The following ENPP1 variants were observed in gnomAD, a reference collection of about 807,000 sequenced individuals.
The protein encoded by ENPP1 is ectonucleotide pyrophosphatase/phosphodiesterase family member 1.
A neutral mutation model predicts 122.8 loss-of-function variants in ENPP1; 73 were observed. That is an observed-to-expected ratio of 0.59 (90% confidence interval 0.49 to 0.72). The LOEUF is 0.72. Among genes scored for constraint, ENPP1 ranks in the 30% least tolerant of loss-of-function variants. The pLI, the probability that ENPP1 is intolerant of heterozygous loss-of-function variation, is 0.00. For synonymous variants in ENPP1, 367 were observed against 391.6 expected (o/e 0.94, Z 0.74); for missense variants, 978 against 1,128.1 (o/e 0.87, Z 1.91).
intron 22 of ENPP1, among the ~76,000 whole-genome samples, chr6:131,884,004 A>G (rs1476408345): frequency 2.0e-5 from 3 of 152,194 alleles, no homozygotes; most frequent in Admixed American, 2.0e-4. Flanking sequence ...AAAGTATGTG[A>G]TGCGCTTCCT....
In ENPP1 at chr6:131,893,608, T is replaced by G. The variant is rs1163041332; in HGVS notation, c.*3097T>G. 2 of 152,266 alleles carry G rather than the reference T, an allele frequency of 1.3e-5. No homozygotes were observed. The highest frequency in any genetic ancestry group is 2.9e-5 in the Non-Finnish European group (2 of 68,046). The allele number at this position is 152,266 out of a possible 1,614,324, so 9.4% of individuals were successfully genotyped here. A position where few individuals can be genotyped will look rare whatever the true frequency, so the allele number is the denominator to read the frequency against. ...CATACTTTTTCTTGCTTAGTTATAA[T>G]AATCTGTTCTTAAAGAAAATGTCAG... On this transcript the variant is annotated 3_prime_UTR_variant, in exon 25 of 25. Coordinates refer to ENST00000647893, the MANE Select transcript of ENPP1 (RefSeq NM_006208.3).
rs1214228447 is a variant in ENPP1 at position 131,876,369 on chromosome 6, T to C, written c.1723+506T>C. 3.3e-5 allele frequency among the ~76,000 whole-genome samples: 5 copies of C among 152,218 alleles called. No homozygotes were observed. In the South Asian group the frequency reaches 8.3e-4, roughly 25 times the overall value. On this transcript the variant is annotated intron_variant, in intron 17 of 24. Transcript: ENST00000647893. ...GTTGAAGCATTGTGTGTTTTAAATATTAGTTTCTTATTCTGATAATGGTCC... is the reference window on the plus strand; with the variant it reads ...GTTGAAGCATTGTGTGTTTTAAATACTAGTTTCTTATTCTGATAATGGTCC...
At chr6:131,887,343 T>TA (rs761448399) in intron 24 of ENPP1, among the ~76,000 whole-genome samples, 33 of 152,090 alleles carry the variant, frequency 2.2e-4, no homozygotes, top group Non-Finnish European at 4.4e-4. Context: ...CTCAGAATTT[T>TA]AAAAATCTAC....
rs760574458 is a variant in ENPP1, at chr6:131,886,674, A to G, written c.2557A>G (p.Thr853Ala). 2 of 1,613,896 alleles carry G rather than the reference A, an allele frequency of 1.2e-6. No individual in the cohort carries two copies. The highest frequency in any genetic ancestry group is 1.3e-5 in the African/African-American group (1 of 74,908). ...GCCTTTGCACTGTGAAAACCTAGACACCTTAGCTTTCATTTTGCCTCACAG... is the reference window on the plus strand; with the variant it reads ...GCCTTTGCACTGTGAAAACCTAGACGCCTTAGCTTTCATTTTGCCTCACAG... ...QTPLHCENLD[T>A]LAFILPHRTD... The change falls in exon 24 of 25, where the codon ACC becomes GCC. Residue 853 changes from threonine to alanine, a missense_variant. Thr to Ala is a moderately conservative substitution (Grantham distance 58). Coordinates refer to ENST00000647893, the MANE Select transcript of ENPP1 (RefSeq NM_006208.3).
chr6:131,820,273 A>C (rs1368129324), intron 1 of ENPP1: 1 of 171,296 alleles, frequency 5.8e-6, no homozygotes, highest in Non-Finnish European at 1.2e-5. Flanking sequence ...ATATATTTAC[A>C]AATATTTAGG....
chr6:131,830,941 G>C (rs1454643229), intron 1 of ENPP1, among the ~76,000 whole-genome samples: 1 of 151,566 alleles, frequency 6.6e-6, no homozygotes, highest in Non-Finnish European at 1.5e-5. Context: ...TGAAACCACT[G>C]TCTCTACCAA....
chr6:131,850,632 G>A (rs192222335), intron 3 of ENPP1, among the ~76,000 whole-genome samples: 1 of 152,248 alleles, frequency 6.6e-6, no homozygotes, highest in East Asian at 1.9e-4. Context: ...GCCGTTGCTC[G>A]ACCATGGCTC....
intron 1 of ENPP1, chr6:131,826,068 C>T (rs1781543182): frequency 2.6e-6 from 2 of 775,442 alleles, no homozygotes; most frequent in Non-Finnish European, 2.4e-6. Flanking sequence ...TCAGACAGCT[C>T]TGCTTTAGGG....
intron 9 of ENPP1, among the ~76,000 whole-genome samples, chr6:131,863,640 C>T (rs554358634): frequency 4.0e-5 from 6 of 151,498 alleles, no homozygotes; most frequent in Admixed American, 1.3e-4. Flanking sequence ...ATGGGCTGGG[C>T]GTGGTGGCTC....
chr6:131,870,539 A>G (rs984432822), intron 13 of ENPP1, among the ~76,000 whole-genome samples: 1 of 152,222 alleles, frequency 6.6e-6, no homozygotes, highest in Admixed American at 6.5e-5. Context: ...CAGAAAGAGA[A>G]TAAGCTTTTC....
At chr6:131,857,057 T>C (rs1781956370) in intron 6 of ENPP1, among the ~76,000 whole-genome samples, 1 of 152,210 alleles carries the variant, frequency 6.6e-6, no homozygotes, top group African/African-American at 2.4e-5. Context: ...GGGGATGGCA[T>C]TGAATCTGTA....
chr6:131,846,329 G>C (rs1338660861), intron 1 of ENPP1, among the ~76,000 whole-genome samples: 1 of 152,024 alleles, frequency 6.6e-6, no homozygotes, highest in African/African-American at 2.4e-5. Flanking sequence ...CATTTTCTTG[G>C]TTTCAGCTAA....
chr6:131,880,681 C>T lies in ENPP1; in HGVS notation c.2100+647C>T, dbSNP rs138279830. 4.7e-3 allele frequency among the ~76,000 whole-genome samples: 720 copies of T among 152,270 alleles called. 3 individuals are homozygous for T. The highest frequency in any genetic ancestry group is 0.016 in the African/African-American group (682 of 41,546). ...ATGAAATCAGCCTTAGGATCAGTCA[C>T]AGTTACCCATTTCTAAATACATGGC... On this transcript the variant is annotated intron_variant, in intron 20 of 24. Transcript: ENST00000647893.
At chr6:131,866,246 C>G (rs1174960460) in intron 11 of ENPP1, among the ~76,000 whole-genome samples, 4 of 152,108 alleles carry the variant, frequency 2.6e-5, no homozygotes, top group Admixed American at 2.6e-4. Context: ...AAAAAAAACA[C>G]TCTTTCTTAA....
chr6:131,846,711 G>A (rs1781815506), intron 1 of ENPP1, among the ~76,000 whole-genome samples: 1 of 152,254 alleles, frequency 6.6e-6, no homozygotes, highest in Admixed American at 6.5e-5. Context: ...GTGTATAACA[G>A]TCTTTGCGCA....
In ENPP1 at chr6:131,871,808, G is replaced by C. The variant is rs373635238; in HGVS notation, c.1406-262G>C. Among the ~76,000 whole-genome samples, 160 of 152,236 alleles carry C rather than the reference G, an allele frequency of 1.1e-3. 7 individuals carry two copies. In the South Asian group the frequency reaches 0.032, roughly 31 times the overall value. On this transcript the variant is annotated intron_variant, in intron 13 of 24. Transcript: ENST00000647893. The stretch of plus-strand genomic sequence containing the variant: ...GTGGATGAATGGATATGTGGGTTAA[G>C]AGATGGATGGATAGGTAGATGTTCT...
intron 7 of ENPP1, among the ~76,000 whole-genome samples, chr6:131,859,454 C>T (rs532995654): frequency 2.0e-4 from 30 of 150,958 alleles, no homozygotes; most frequent in East Asian, 7.9e-4. Flanking sequence ...GGTGCGATCT[C>T]GGCTCACTGC....
chr6:131,820,175 G>A (rs569181961), intron 1 of ENPP1: 109 of 280,856 alleles, frequency 3.9e-4, no homozygotes, highest in Non-Finnish European at 6.2e-4. Context: ...TTTTAAAGAA[G>A]AATGTCCATA....
At chr6:131,876,314 AC>A (rs149875926) in intron 17 of ENPP1, among the ~76,000 whole-genome samples, 2,479 of 152,310 alleles carry the variant, frequency 0.016, 67 homozygotes, top group African/African-American at 0.056. Flanking sequence ...TTCTTGGTTT[AC>A]TTTGTACCTT....
Sources: allele counts gnomAD v4.1 joint callset (sites outside exome capture counted in the v4.1 genomes callset), GRCh38; gene constraint gnomAD v4.1.1; transcripts MANE v1.5; gene names NCBI Gene and HGNC (gene_info 2026-07-23, HGNC 2026-07-21).